The following ATOSA variants were observed in gnomAD, a reference collection of about 807,000 sequenced individuals.
ATOSA encodes atos homolog protein A.
At chr15:52,649,274 G>C in the ATOSA span, among the ~76,000 whole-genome samples, 3 of 152,064 alleles carry the variant, frequency 2.0e-5, no homozygotes, top group African/African-American at 4.8e-5. Flanking sequence ...CCGCAAGGAA[G>C]AGTCAAGGAA....
the ATOSA span, chr15:52,608,567 C>A: frequency 6.4e-7 from 1 of 1,560,800 alleles, no homozygotes; most frequent in Non-Finnish European, 8.6e-7. Flanking sequence ...ATGTTACTTA[C>A]CAATACCTCT....
At chr15:52,615,679 G>C in the ATOSA span, among the ~76,000 whole-genome samples, 20 of 152,274 alleles carry the variant, frequency 1.3e-4, no homozygotes, top group East Asian at 3.7e-3. Flanking sequence ...CTTCAGGAAG[G>C]CTTATCAGGA....
the ATOSA span, among the ~76,000 whole-genome samples, chr15:52,639,107 C>T: frequency 5.6e-3 from 851 of 150,968 alleles, 6 homozygotes; most frequent in African/African-American, 0.02. Context: ...AAAGTCCACC[C>T]GAATAGGCTT....
At chr15:52,594,628 A>T in the ATOSA span, among the ~76,000 whole-genome samples, 1 of 152,172 alleles carries the variant, frequency 6.6e-6, no homozygotes, top group African/African-American at 2.4e-5. Flanking sequence ...CTGGGTCACA[A>T]TCAACCTTCT....
the ATOSA span, among the ~76,000 whole-genome samples, chr15:52,583,013 T>C: frequency 6.6e-6 from 1 of 152,166 alleles, no homozygotes; most frequent in Non-Finnish European, 1.5e-5. Flanking sequence ...ATAAATACTC[T>C]CTGGGTTTGT....
the ATOSA span, among the ~76,000 whole-genome samples, chr15:52,663,780 C>T: frequency 6.6e-6 from 1 of 152,084 alleles, no homozygotes; most frequent in Non-Finnish European, 1.5e-5. Context: ...TCAACAAGCC[C>T]AGCTAATTTT....
chr15:52,634,357 T>C, the ATOSA span, among the ~76,000 whole-genome samples: 1 of 151,772 alleles, frequency 6.6e-6, no homozygotes, highest in Non-Finnish European at 1.5e-5. Flanking sequence ...CTTGCCAAAA[T>C]TGCACCACTG....
At chr15:52,697,887 C>A in the ATOSA span, among the ~76,000 whole-genome samples, 20 of 149,170 alleles carry the variant, frequency 1.3e-4, no homozygotes, top group African/African-American at 4.4e-4. Context: ...TCACAAGAAA[C>A]CACTACTACC....
the ATOSA span, among the ~76,000 whole-genome samples, chr15:52,665,483 CAA>C: frequency 1.3e-5 from 2 of 151,900 alleles, no homozygotes; most frequent in Non-Finnish European, 2.9e-5. Context: ...TTAAAGCTAA[CAA>C]GAGTGTCAAG....
chr15:52,694,920 G>GTTTTTTTTTTTT, the ATOSA span, among the ~76,000 whole-genome samples: 1 of 130,440 alleles, frequency 7.7e-6, no homozygotes, highest in Non-Finnish European at 1.7e-5. Flanking sequence ...TTTTTTTTCT[G>GTTTTTTTTTTTT]TTTTTTTTTG....
At chr15:52,678,156 T>G in the ATOSA span, 5 of 1,060,024 alleles carry the variant, frequency 4.7e-6, no homozygotes, top group Non-Finnish European at 7.3e-6. Context: ...AATCTGGCCC[T>G]ATTCTAATAC....
chr15:52,610,984 T>C, the ATOSA span: 1 of 920,806 alleles, frequency 1.1e-6, no homozygotes, highest in Non-Finnish European at 1.6e-6. Flanking sequence ...CAAATCTCTC[T>C]AACTTGTTTT....
chr15:52,607,748 A>C, the ATOSA span, among the ~76,000 whole-genome samples: 1 of 152,254 alleles, frequency 6.6e-6, no homozygotes, highest in Non-Finnish European at 1.5e-5. Context: ...TATGTAATAT[A>C]ACTGAACGTT....
chr15:52,608,871 A>G, the ATOSA span: 107 of 1,607,672 alleles, frequency 6.7e-5, no homozygotes, highest in Admixed American at 1.9e-4. Context: ...TTTTTGAGTC[A>G]TTTTTTTTGG....
chr15:52,697,903 A>G, the ATOSA span, among the ~76,000 whole-genome samples: 3 of 144,646 alleles, frequency 2.1e-5, no homozygotes, highest in African/African-American at 7.5e-5. Context: ...CTACCACCCC[A>G]GAAAGGCTCC....
chr15:52,596,900 GA>G, the ATOSA span, among the ~76,000 whole-genome samples: 2 of 152,084 alleles, frequency 1.3e-5, no homozygotes, highest in African/African-American at 4.8e-5. Flanking sequence ...TTCAGACTTG[GA>G]AAAAATATTT....
the ATOSA span, among the ~76,000 whole-genome samples, chr15:52,687,292 C>T: frequency 6.6e-6 from 1 of 152,200 alleles, no homozygotes; most frequent in African/African-American, 2.4e-5. Context: ...GTAGTCCCAC[C>T]TACTCCGGAG....
the ATOSA span, chr15:52,608,542 C>A: frequency 6.6e-7 from 1 of 1,524,982 alleles, no homozygotes; most frequent in Non-Finnish European, 8.7e-7. Context: ...TTGAGACTTA[C>A]ATTTGACATA....
the ATOSA span, among the ~76,000 whole-genome samples, chr15:52,591,830 G>A: frequency 1.3e-5 from 2 of 152,186 alleles, no homozygotes; most frequent in East Asian, 1.9e-4. Flanking sequence ...GGTAGCATAT[G>A]TAATAACTGG....
Sources: gnomAD v4.1 joint callset for allele counts (sites outside exome capture counted in the v4.1 genomes callset) on GRCh38, gnomAD v4.1.1 for gene constraint, MANE v1.5 for transcripts, NCBI Gene and HGNC (gene_info 2026-07-23, HGNC 2026-07-21) for gene names.